Variants in APBA3 observed in about 807,000 individuals in gnomAD.
The protein encoded by APBA3 is amyloid beta precursor protein binding family A member 3.
A neutral mutation model predicts 55.9 loss-of-function variants in APBA3; 45 were observed. The observed-to-expected ratio is 0.80, with a 90% CI of 0.63 to 1.03. The LOEUF is 1.03. APBA3 is among the 50% of genes least tolerant of loss of function. APBA3 has a pLI of 0.00. For missense variants in APBA3, 865 were observed against 820.3 expected, an observed-to-expected ratio of 1.05 and a Z score of -0.67; for synonymous variants, 370 against 353.3, an observed-to-expected ratio of 1.05 and a Z score of -0.53.
chr19:3,758,123 C>CG (rs2037100423), intron 3 of APBA3, among the ~76,000 whole-genome samples: 1 of 151,642 alleles, frequency 6.6e-6, no homozygotes, highest in Non-Finnish European at 1.5e-5. Context: ...TTAGTAGAGA[C>CG]GGGGTTTCAC....
intron 3 of APBA3, among the ~76,000 whole-genome samples, chr19:3,756,989 T>C (rs1373212485): frequency 6.6e-6 from 1 of 152,210 alleles, no homozygotes; most frequent in Non-Finnish European, 1.5e-5. Flanking sequence ...CAGATTCCTT[T>C]ACCCTAGAAA....
At chr19:3,759,505 A>G in intron 3 of APBA3, 56 bp downstream of exon 3, 5 of 1,523,522 alleles carry the variant, frequency 3.3e-6, no homozygotes, top group Non-Finnish European at 4.5e-6. Context: ...GGTGAGCCTG[A>G]TTCTGGCTGT....
At chr19:3,755,091 G>A (rs2037061415) in intron 3 of APBA3, 1 of 152,246 alleles carries the variant, frequency 6.6e-6, no homozygotes, top group Admixed American at 6.5e-5. Context: ...AGAACCGTCT[G>A]CAGTCAGCCC....
chr19:3,752,455 A>G, intron 8 of APBA3, 53 bp downstream of exon 8: 1 of 1,482,910 alleles, frequency 6.7e-7, no homozygotes, highest in Non-Finnish European at 9.0e-7. Flanking sequence ...CCTCTCTGGG[A>G]CTCAGCTCCC....
Position 3,754,321 on chromosome 19 carries a change from A to G in APBA3, c.636T>C (p.His212=), listed in dbSNP as rs1025403589. 2 of 1,558,636 alleles carry G rather than the reference A, an allele frequency of 1.3e-6. No homozygotes were observed. The highest frequency in any genetic ancestry group is 1.4e-5 in the African/African-American group (1 of 73,174). ...APQEVPGPCD[H]EDLLDGVIFG... ...ATATGACACCGTCCAGGAGGTCTTC[A>G]TGGTCACAGGGACCAGGCACTGAGG... Residue 212 remains histidine, a synonymous_variant, in exon 4 of 11, where the codon CAT becomes CAC. Coordinates refer to ENST00000316757, the MANE Select transcript of APBA3 (RefSeq NM_004886.4).
chr19:3,752,986 T>C lies in APBA3; in HGVS notation c.1016A>G (p.Gln339Arg). 6.2e-7 allele frequency: 1 copy of C among 1,611,500 alleles called. No homozygotes were observed. Among genetic ancestry groups the C allele is most frequent in the African/African-American group, 1.3e-5 (1 of 75,052 alleles). ...CTGGCCAATGGCCTGGGCGATGAGC[T>C]GGGCCTGCGGGGAGGAGTGGCGCGT... Reference protein sequence around the residue: ...LCHVFYAEDAQLIAQAIGQAF... With the variant: ...LCHVFYAEDARLIAQAIGQAF... Residue 339 changes from glutamine (Q) to arginine (R), a missense_variant, in exon 7 of 11, where the codon CAG (glutamine) becomes CGG (arginine). By Grantham distance (43) the Gln-to-Arg change is conservative (BLOSUM62 1). Coordinates refer to ENST00000316757, the MANE Select transcript of APBA3 (RefSeq NM_004886.4).
chr19:3,760,479 T>C (rs571851203), intron 1 of APBA3, among the ~76,000 whole-genome samples, 178 bp from the exon 2 acceptor site: 2 of 152,078 alleles, frequency 1.3e-5, no homozygotes, highest in Non-Finnish European at 2.9e-5. Flanking sequence ...CCGGGCACAG[T>C]GGCTCACGCC....
In APBA3 at chr19:3,760,174, G is replaced by C. The variant is rs1476552943; in HGVS notation, c.91C>G (p.Leu31Val). ...GGGTCCCACTGGCTGTCAGGGGTGA[G>C]GTCCTCCGAAGGCACAAGAATGTCC... The part of the protein sequence containing the change: ...PRDILVPSED[L>V]TPDSQWDPMP... Residue 31 changes from leucine to valine, a missense_variant, in exon 2 of 11, where the codon CTC becomes GTC. Transcript: ENST00000316757. 2 of 1,613,090 alleles carry C rather than the reference G, an allele frequency of 1.2e-6. No individual in the cohort carries two copies. Among genetic ancestry groups the C allele is most frequent in the East Asian group, 2.2e-5 (1 of 44,888 alleles).
At chr19:3,757,382 C>G (rs367703558) in intron 3 of APBA3, among the ~76,000 whole-genome samples, 1 of 150,772 alleles carries the variant, frequency 6.6e-6, no homozygotes, top group East Asian at 2.0e-4. Context: ...GTTGGGATTA[C>G]AGATGTGAGC....
At position 3,760,316 on chromosome 19, in the gene APBA3, G is replaced by A. The variant is rs1021771051; in HGVS notation, c.-37-15C>T. 1 of 1,505,110 alleles carries A rather than the reference G, an allele frequency of 6.6e-7. No individual in the cohort carries two copies. The highest frequency in any genetic ancestry group is 8.9e-7 in the Non-Finnish European group (1 of 1,128,262). The allele number at this position is 1,505,110 out of a possible 1,614,324, so 93.2% of individuals were successfully genotyped here. ...TCTTCAGGCAGCTGAAAGAGAGAGA[G>A]TCAGCACTGAGGTTTCGCCCGGGTG... On this transcript the variant is annotated splice_polypyrimidine_tract_variant and intron_variant, in intron 1 of 10. Transcript: ENST00000316757.
intron 6 of APBA3, chr19:3,753,227 C>G: frequency 1.7e-6 from 1 of 583,664 alleles, no homozygotes; most frequent in Non-Finnish European, 3.0e-6. Flanking sequence ...AGGGAGGCAG[C>G]TCCCTGCGCA....
At chr19:3,761,470 T>TC (rs1348722112) in intron 1 of APBA3, 66 bp downstream of exon 1, 1 of 152,676 alleles carries the variant, frequency 6.5e-6, no homozygotes, top group Non-Finnish European at 1.5e-5. Flanking sequence ...CAGACCCTAG[T>TC]CCCCCCTCAG....
Position 3,753,732 on chromosome 19 carries a change from T to C in APBA3, c.1011+33A>G, listed in dbSNP as rs938200475. 8.8e-6 allele frequency: 13 copies of C among 1,475,340 alleles called. No individual in the cohort carries two copies. The African/African-American group carries it at 1.7e-4, about 19-fold the overall frequency. The allele number at this position is 1,475,340 out of a possible 1,614,324, so 91.4% of individuals were successfully genotyped here. Reference sequence around the variant, plus strand: ...GGCGACAGTTGCAGTGAGGAGGGCCTCAGGAGGGTGGCCCCGCGCCCTGGC... The same window carrying C: ...GGCGACAGTTGCAGTGAGGAGGGCCCCAGGAGGGTGGCCCCGCGCCCTGGC... On this transcript the variant is annotated intron_variant, in intron 6 of 10. Coordinates refer to ENST00000316757, the MANE Select transcript of APBA3 (RefSeq NM_004886.4).
intron 7 of APBA3, 39 bp downstream of exon 7, chr19:3,752,781 G>T: frequency 6.2e-7 from 1 of 1,609,826 alleles, no homozygotes; most frequent in East Asian, 2.2e-5. Context: ...GCACGGGTGT[G>T]GGGGGCACCA....
rs762824562 is a variant in APBA3, at chr19:3,760,025, G to C, written c.240C>G (p.Pro80=). The change falls in exon 2 of 11, where the codon CCC becomes CCG. Residue 80 remains proline (P), a synonymous_variant. Coordinates refer to ENST00000316757, the MANE Select transcript of APBA3 (RefSeq NM_004886.4). ...DLVGPSPGGA[P]CPLHIATGHG... is the part of the protein sequence containing the mutation. Reference sequence around the variant, plus strand: ...GGCCTGTGGCAATGTGTAGGGGACAGGGGGCTCCACCTGGGGATGGGCCCA... The same window carrying C: ...GGCCTGTGGCAATGTGTAGGGGACACGGGGCTCCACCTGGGGATGGGCCCA... 5.6e-6 allele frequency: 9 copies of C among 1,613,096 alleles called. No homozygotes were observed. The East Asian group carries it at 6.7e-5, about 12-fold the overall frequency.
chr19:3,752,448 C>T (rs1417761069), intron 8 of APBA3, 60 bp downstream of exon 8: 2 of 1,465,214 alleles, frequency 1.4e-6, no homozygotes, highest in East Asian at 4.9e-5. Context: ...GAGGAGACCT[C>T]TCTGGGACTC....
chr19:3,754,081 TG>T lies in APBA3; in HGVS notation c.786del (p.Met263Ter). On this transcript the variant is annotated frameshift_variant, in exon 5 of 11. Coordinates refer to ENST00000316757, the MANE Select transcript of APBA3 (RefSeq NM_004886.4). LOFTEE classifies it high-confidence loss of function. Reference protein sequence around the residue: ...RVKAPDGETQPMTEVDLFVST... With the variant: ...RVKAPDGETQXMTEVDLFVST... The stretch of plus-strand genomic sequence containing the variant: ...GAGACGAACAGGTCCACCTCCGTCA[TG>T]GGCTGGGTCTCCCCATCGGGGGCCT... 1 of 1,609,126 alleles carries T rather than the reference TG, an allele frequency of 6.2e-7. No individual in the cohort carries two copies. Among genetic ancestry groups the T allele is most frequent in the Admixed American group, 1.7e-5 (1 of 59,528 alleles).
chr19:3,751,404 C>A (rs1449251444), intron 9 of APBA3, 30 bp downstream of exon 9: 1 of 1,515,720 alleles, frequency 6.6e-7, no homozygotes, highest in Non-Finnish European at 8.8e-7. Context: ...CCCTACCCCC[C>A]CACCCCGGGG....
intron 8 of APBA3, 159 bp from the exon 9 acceptor site, chr19:3,751,712 G>T: frequency 1.2e-6 from 1 of 860,126 alleles, no homozygotes; most frequent in Non-Finnish European, 1.7e-6. Context: ...ACAGACTCGG[G>T]CCCGGTGGGC....
Sources: gnomAD v4.1 joint callset for allele counts (sites outside exome capture counted in the v4.1 genomes callset) on GRCh38, gnomAD v4.1.1 for gene constraint, MANE v1.5 for transcripts, NCBI Gene and HGNC (gene_info 2026-07-23, HGNC 2026-07-21) for gene names.